Variants in CGNL1 observed in about 807,000 individuals in gnomAD.
CGNL1 encodes the protein cingulin-like protein 1.
A neutral mutation model predicts 141.2 loss-of-function variants in CGNL1; 132 were observed. The observed-to-expected ratio is 0.93, with a 90% CI of 0.81 to 1.08. The LOEUF (loss-of-function observed/expected upper bound fraction) is 1.08, where lower values mean the gene tolerates loss of function less well. Among genes scored for constraint, CGNL1 ranks in the 50% least tolerant of loss-of-function variants. The pLI is 0.00. For missense variants in CGNL1, 1,870 were observed against 1,588.6 expected, an observed-to-expected ratio of 1.18 and a Z score of -3.01; for synonymous variants, 690 against 622.1, an observed-to-expected ratio of 1.11 and a Z score of -1.63.
At chr15:57,422,067 A>C (rs1253953790) in intron 1 of CGNL1, among the ~76,000 whole-genome samples, 1 of 151,608 alleles carries the variant, frequency 6.6e-6, no homozygotes, top group Non-Finnish European at 1.5e-5. Context: ...CTAGCTGACC[A>C]AATGAAGTCC....
At chr15:57,488,031 G>T (rs902835823) in intron 8 of CGNL1, among the ~76,000 whole-genome samples, 1 of 152,136 alleles carries the variant, frequency 6.6e-6, no homozygotes, top group South Asian at 2.1e-4. Flanking sequence ...ATGCCTGAGG[G>T]TCTTCATTTC....
chr15:57,387,936 G>T (rs1163776555), intron 1 of CGNL1, among the ~76,000 whole-genome samples: 3 of 152,220 alleles, frequency 2.0e-5, no homozygotes, highest in African/African-American at 7.2e-5. Flanking sequence ...GACATTCTTG[G>T]CTATCCTGCC....
chr15:57,391,899 A>ATCTTTT (rs1337918131), intron 1 of CGNL1, among the ~76,000 whole-genome samples: 25 of 152,172 alleles, frequency 1.6e-4, no homozygotes, highest in Non-Finnish European at 3.4e-4. Flanking sequence ...AAAGAACAGA[A>ATCTTTT]AAGATGCAAA....
At chr15:57,408,661 G>A (rs969054543) in intron 1 of CGNL1, among the ~76,000 whole-genome samples, 1 of 151,972 alleles carries the variant, frequency 6.6e-6, no homozygotes, top group Non-Finnish European at 1.5e-5. Flanking sequence ...CACACAGACC[G>A]CACCCAGCTC....
At chr15:57,543,455 CT>C (rs1223097762) in intron 14 of CGNL1, among the ~76,000 whole-genome samples, 1 of 152,190 alleles carries the variant, frequency 6.6e-6, no homozygotes, top group Non-Finnish European at 1.5e-5. Context: ...AGTTCAACCC[CT>C]AACAGCAGGG....
chr15:57,494,597 A>G (rs1567152407), intron 8 of CGNL1, among the ~76,000 whole-genome samples: 1 of 152,206 alleles, frequency 6.6e-6, no homozygotes, highest in African/African-American at 2.4e-5. Flanking sequence ...AATCGGCCCA[A>G]TCCCATGAAC....
At chr15:57,454,474 C>G (rs1216646233) in intron 7 of CGNL1, among the ~76,000 whole-genome samples, 6 of 152,182 alleles carry the variant, frequency 3.9e-5, no homozygotes, top group African/African-American at 1.2e-4. Flanking sequence ...ACTGTTCTGT[C>G]ACTCCTTTCC....
chr15:57,386,281 T>C (rs1264004200), intron 1 of CGNL1, among the ~76,000 whole-genome samples: 3 of 152,162 alleles, frequency 2.0e-5, no homozygotes, highest in African/African-American at 7.2e-5. Flanking sequence ...GCCTCGCTTT[T>C]CTCCCCTGTT....
chr15:57,437,619 CAAAAAAAAAAAAAAAAA>C (rs540499763), intron 1 of CGNL1, among the ~76,000 whole-genome samples: 2 of 36,086 alleles, frequency 5.5e-5, no homozygotes, highest in Non-Finnish European at 1.1e-4. Flanking sequence ...AACTAAACAG[CAAAAAAAAAAAAAAAAA>C]AAAAAAAAAA....
intron 14 of CGNL1, among the ~76,000 whole-genome samples, chr15:57,537,201 G>C (rs1446592463): frequency 5.3e-5 from 8 of 152,224 alleles, no homozygotes; most frequent in African/African-American, 1.9e-4. Flanking sequence ...AGCCCAGGCA[G>C]CTGGCAGGCA....
At chr15:57,528,118 G>A (rs1163881572) in intron 12 of CGNL1, among the ~76,000 whole-genome samples, 4 of 152,114 alleles carry the variant, frequency 2.6e-5, no homozygotes, top group African/African-American at 9.7e-5. Flanking sequence ...TTAGCTCAGT[G>A]TGGTGGCATG....
chr15:57,465,651 C>CA (rs66893711), intron 8 of CGNL1, among the ~76,000 whole-genome samples: 4 of 151,086 alleles, frequency 2.6e-5, no homozygotes, highest in Admixed American at 6.6e-5. Flanking sequence ...TCAACCTCCC[C>CA]AAAAAAAAAG....
intron 8 of CGNL1, among the ~76,000 whole-genome samples, chr15:57,506,644 C>T (rs1432543550): frequency 6.6e-6 from 1 of 152,090 alleles, no homozygotes; most frequent in Admixed American, 6.5e-5. Flanking sequence ...CTGCTGCCCC[C>T]ACTTGGAAGA....
At chr15:57,473,339 C>T (rs1230158426) in intron 8 of CGNL1, among the ~76,000 whole-genome samples, 1 of 152,062 alleles carries the variant, frequency 6.6e-6, no homozygotes, top group Non-Finnish European at 1.5e-5. Context: ...AAAAATTTGG[C>T]GTTATGATTT....
intron 14 of CGNL1, among the ~76,000 whole-genome samples, chr15:57,540,077 G>A (rs532830058): frequency 6.6e-6 from 1 of 152,272 alleles, no homozygotes; most frequent in East Asian, 1.9e-4. Flanking sequence ...TCCATCGATT[G>A]CTTAACCTGC....
chr15:57,401,567 T>C (rs2062660705), intron 1 of CGNL1, among the ~76,000 whole-genome samples: 1 of 152,226 alleles, frequency 6.6e-6, no homozygotes, highest in African/African-American at 2.4e-5. Context: ...TGTGGAAAAT[T>C]ATTCAAAACA....
intron 1 of CGNL1, among the ~76,000 whole-genome samples, chr15:57,385,310 G>A (rs1244517385): frequency 5.9e-5 from 9 of 152,172 alleles, no homozygotes; most frequent in African/African-American, 1.9e-4. Context: ...GAGGCAGGCC[G>A]ATCAGTTGGG....
At chr15:57,400,254 A>T (rs2062645264) in intron 1 of CGNL1, among the ~76,000 whole-genome samples, 1 of 152,112 alleles carries the variant, frequency 6.6e-6, no homozygotes, top group South Asian at 2.1e-4. Flanking sequence ...CGGCCTCCCA[A>T]AGTGCTGGGA....
In CGNL1 at chr15:57,445,499, C is replaced by T. The variant is rs191659683; in HGVS notation, c.1803+3021C>T. ...ATGTAAGAACCCTCTCCCTTAGGGA[C>T]GGAGACCATACTGGAAAACAGCAAA... On this transcript the variant is annotated intron_variant, in intron 4 of 18. Coordinates refer to ENST00000281282, the MANE Select transcript of CGNL1 (RefSeq NM_032866.5). Among the ~76,000 whole-genome samples, 33 of 152,276 alleles carry T rather than the reference C, an allele frequency of 2.2e-4. 1 individual carries two copies. The highest frequency in any genetic ancestry group is 7.2e-4 in the Admixed American group (11 of 15,284).
Sources: gnomAD v4.1 joint callset for allele counts (sites outside exome capture counted in the v4.1 genomes callset) on GRCh38, gnomAD v4.1.1 for gene constraint, MANE v1.5 for transcripts, NCBI Gene and HGNC (gene_info 2026-07-23, HGNC 2026-07-21) for gene names.